RPS6KC1: variants seen among roughly 807,000 people sequenced by gnomAD.
RPS6KC1 encodes inactive ribosomal protein S6 kinase delta-1.
Under a neutral mutation model 103.8 loss-of-function variants are expected in RPS6KC1, and 54 were observed. The ratio of observed to expected loss-of-function variants is 0.52; its 90% CI spans 0.42 to 0.65. RPS6KC1 has a LOEUF of 0.65. Ranked by LOEUF, RPS6KC1 falls within the 30% of genes least tolerant of loss-of-function variation. The pLI is 0.00. For synonymous variants in RPS6KC1, 439 were observed against 438.7 expected (o/e 1.00, Z -0.01); for missense variants, 1,151 against 1,253.8 (o/e 0.92, Z 1.24).
intron 4 of RPS6KC1, among the ~76,000 whole-genome samples, chr1:213,114,363 T>TC (rs1230476401): frequency 3.2e-3 from 215 of 67,870 alleles, no homozygotes; most frequent in Middle Eastern, 0.012. Context: ...TCTCTGTCTG[T>TC]TGTTGGTGTA....
the RPS6KC1 span, among the ~76,000 whole-genome samples, chr1:213,379,180 T>A: frequency 6.6e-6 from 1 of 152,218 alleles, no homozygotes; most frequent in East Asian, 1.9e-4. Flanking sequence ...TACGTGTGGA[T>A]CTTCAATTGT....
At chr1:213,388,788 C>T in the RPS6KC1 span, among the ~76,000 whole-genome samples, 6 of 152,220 alleles carry the variant, frequency 3.9e-5, no homozygotes, top group South Asian at 2.1e-4. Context: ...TGATCTTCAG[C>T]GGGGGCCTGT....
the RPS6KC1 span, among the ~76,000 whole-genome samples, chr1:213,531,624 C>T: frequency 6.6e-6 from 1 of 152,226 alleles, no homozygotes; most frequent in East Asian, 1.9e-4. Context: ...TTCTCCAGGA[C>T]AGCTGGACGA....
the RPS6KC1 span, among the ~76,000 whole-genome samples, chr1:213,811,700 A>G: frequency 6.6e-6 from 1 of 152,206 alleles, no homozygotes; most frequent in Non-Finnish European, 1.5e-5. Context: ...GTTCCCTGTC[A>G]TCCAGTTTTT....
chr1:213,237,052 A>G (rs891644192), intron 10 of RPS6KC1, among the ~76,000 whole-genome samples: 2 of 152,048 alleles, frequency 1.3e-5, no homozygotes, highest in Non-Finnish European at 2.9e-5. Flanking sequence ...GTTTATAAAC[A>G]TTCACTCCCT....
the RPS6KC1 span, among the ~76,000 whole-genome samples, chr1:213,597,686 G>A: frequency 1.3e-5 from 2 of 152,264 alleles, no homozygotes; most frequent in Admixed American, 6.5e-5. Flanking sequence ...TGACAGAGGC[G>A]GCTCTGGCTT....
At chr1:213,314,020 G>C in the RPS6KC1 span, among the ~76,000 whole-genome samples, 1 of 152,144 alleles carries the variant, frequency 6.6e-6, no homozygotes, top group African/African-American at 2.4e-5. Flanking sequence ...GTTCACAATC[G>C]AGGTGTTGGC....
chr1:213,581,811 T>C, the RPS6KC1 span, among the ~76,000 whole-genome samples: 7 of 152,118 alleles, frequency 4.6e-5, no homozygotes, highest in African/African-American at 1.7e-4. Context: ...GCTGGTATTA[T>C]GCTTTTTCAG....
the RPS6KC1 span, among the ~76,000 whole-genome samples, chr1:213,846,017 G>C: frequency 1.3e-5 from 2 of 151,848 alleles, no homozygotes; most frequent in East Asian, 3.9e-4. Flanking sequence ...GGCAGGCCGG[G>C]CGGGGTGGCT....
At chr1:213,283,838 C>T in the RPS6KC1 span, among the ~76,000 whole-genome samples, 1 of 151,824 alleles carries the variant, frequency 6.6e-6, no homozygotes, top group Non-Finnish European at 1.5e-5. Context: ...TTTAAAAAAC[C>T]ACCAAAACAA....
chr1:213,375,032 CACATACACAT>C, the RPS6KC1 span, among the ~76,000 whole-genome samples: 1 of 151,926 alleles, frequency 6.6e-6, no homozygotes, highest in Non-Finnish European at 1.5e-5. Context: ...CACATACACA[CACATACACAT>C]ACATACACAC....
chr1:213,211,374 G>A (rs2093500561), intron 8 of RPS6KC1, among the ~76,000 whole-genome samples: 1 of 152,164 alleles, frequency 6.6e-6, no homozygotes. Flanking sequence ...ATCAAAATGA[G>A]AATGACAAAG....
the RPS6KC1 span, among the ~76,000 whole-genome samples, chr1:213,315,734 T>C: frequency 2.0e-5 from 3 of 152,220 alleles, no homozygotes; most frequent in African/African-American, 7.2e-5. Context: ...CCCACGGGCT[T>C]GTACAGATGA....
At position 213,129,793 on chromosome 1, in the gene RPS6KC1, A is replaced by G; in HGVS notation, c.739A>G (p.Ile247Val). 1 of 1,614,062 alleles carries G rather than the reference A, an allele frequency of 6.2e-7. No homozygotes were observed. The highest frequency in any genetic ancestry group is 8.5e-7 in the Non-Finnish European group (1 of 1,179,988). ...RDYLEKAGELIKLALKKEEED... is the reference protein window; with the variant it reads ...RDYLEKAGELVKLALKKEEED... ...TTATTTGGAGAAAGCAGGAGAATTA[A>G]TAAAGCTGGCTTTAAAAAAGGAAGA... is the stretch of plus-strand genomic sequence containing the variant. Residue 247 changes from isoleucine (I) to valine (V), a missense_variant, in exon 6 of 15, where the codon ATA (isoleucine) becomes GTA (valine). Ile to Val is a conservative substitution (Grantham distance 29). Transcript: ENST00000366960.
intron 6 of RPS6KC1, among the ~76,000 whole-genome samples, chr1:213,165,226 G>A (rs548038366): frequency 5.3e-5 from 8 of 152,072 alleles, no homozygotes; most frequent in African/African-American, 1.9e-4. Flanking sequence ...GGAAGGAACC[G>A]TAGTATTTAT....
chr1:213,260,646 GTT>G (rs1283483993), intron 12 of RPS6KC1, among the ~76,000 whole-genome samples: 1 of 137,034 alleles, frequency 7.3e-6, no homozygotes. Flanking sequence ...AAATAGTAGG[GTT>G]TTTTTTTTTT....
chr1:213,177,440 C>T (rs151048000), intron 8 of RPS6KC1, among the ~76,000 whole-genome samples: 155 of 152,190 alleles, frequency 1.0e-3, no homozygotes, highest in African/African-American at 3.5e-3. Flanking sequence ...GTGATTCCAT[C>T]CTAAAATTGA....
At chr1:213,547,584 T>A in the RPS6KC1 span, among the ~76,000 whole-genome samples, 1 of 152,220 alleles carries the variant, frequency 6.6e-6, no homozygotes, top group African/African-American at 2.4e-5. Flanking sequence ...TCACTAGTGT[T>A]GGAGGTGGGG....
intron 6 of RPS6KC1, among the ~76,000 whole-genome samples, chr1:213,151,874 G>T (rs1253235535): frequency 6.3e-5 from 7 of 110,640 alleles, no homozygotes; most frequent in African/African-American, 1.8e-4. Flanking sequence ...TGGCCGGGCG[G>T]GGGGCTGATC....
Sources: allele counts gnomAD v4.1 joint callset (sites outside exome capture counted in the v4.1 genomes callset), GRCh38; gene constraint gnomAD v4.1.1; transcripts MANE v1.5; gene names NCBI Gene and HGNC (gene_info 2026-07-23, HGNC 2026-07-21).